The following KCNH7 variants were observed in gnomAD, a reference collection of about 807,000 sequenced individuals.
The protein encoded by KCNH7 is voltage-gated inwardly rectifying potassium channel KCNH7.
KCNH7 carries 49 observed loss-of-function variants against 120.8 expected under a neutral mutation model. The ratio of observed to expected loss-of-function variants is 0.41; its 90% confidence interval spans 0.32 to 0.51. The LOEUF is 0.51. Among genes scored for constraint, KCNH7 ranks in the 20% least tolerant of loss-of-function variants. The pLI is 0.38. For synonymous variants in KCNH7, 547 were observed against 516.1 expected (o/e 1.06, Z -0.81); for missense variants, 1,097 against 1,446.6 (o/e 0.76, Z 3.92).
intron 9 of KCNH7, among the ~76,000 whole-genome samples, chr2:162,409,174 A>G (rs1687315613): frequency 6.6e-6 from 1 of 151,914 alleles, no homozygotes; most frequent in Non-Finnish European, 1.5e-5. Flanking sequence ...AATAGAATAT[A>G]TAAATCTTTC....
intron 5 of KCNH7, among the ~76,000 whole-genome samples, chr2:162,511,788 C>T (rs1028702757): frequency 6.6e-6 from 1 of 151,734 alleles, no homozygotes; most frequent in African/African-American, 2.4e-5. Context: ...GTGGTCAAAA[C>T]AGTGAATTCT....
At chr2:162,572,378 A>G (rs1693514132) in intron 2 of KCNH7, among the ~76,000 whole-genome samples, 1 of 122,596 alleles carries the variant, frequency 8.2e-6, no homozygotes, top group South Asian at 3.0e-4. Flanking sequence ...AATGGCGATC[A>G]TTAAAAAGTC....
Position 162,435,609 on chromosome 2 carries a change from A to C in KCNH7, c.1555-12T>G. The C allele has an allele frequency of 6.4e-7, 1 of 1,565,470 alleles. No individual in the cohort carries two copies. The highest frequency in any genetic ancestry group is 8.6e-7 in the Non-Finnish European group (1 of 1,156,452). The stretch of plus-strand genomic sequence containing the variant: ...ATTAATGTTGTTGTCTGTAGAAATA[A>C]ATGTACACAGTCAGAAACGGTCGGC... On this transcript the variant is annotated splice_polypyrimidine_tract_variant and intron_variant, in intron 7 of 15. Transcript: ENST00000332142.
intron 9 of KCNH7, among the ~76,000 whole-genome samples, chr2:162,421,076 C>T (rs1384589849): frequency 1.3e-5 from 2 of 151,834 alleles, no homozygotes. Flanking sequence ...AGTTTGCTTA[C>T]TCACTTTGCA....
At chr2:162,682,857 C>T (rs1368015341) in intron 2 of KCNH7, among the ~76,000 whole-genome samples, 1 of 151,734 alleles carries the variant, frequency 6.6e-6, no homozygotes, top group Admixed American at 6.6e-5. Flanking sequence ...ACCATAATTT[C>T]CTAAATGTTG....
At chr2:162,571,861 G>T (rs957472019) in intron 2 of KCNH7, among the ~76,000 whole-genome samples, 3 of 151,570 alleles carry the variant, frequency 2.0e-5, no homozygotes, top group Admixed American at 6.6e-5. Flanking sequence ...AGCTGAAACT[G>T]GATCCCTTCC....
At chr2:162,393,822 G>A (rs1489254907) in intron 12 of KCNH7, among the ~76,000 whole-genome samples, 1 of 151,926 alleles carries the variant, frequency 6.6e-6, no homozygotes, top group East Asian at 1.9e-4. Flanking sequence ...CCCTCTCTAG[G>A]GAAGATGAGG....
intron 2 of KCNH7, among the ~76,000 whole-genome samples, chr2:162,746,614 C>T (rs977930048): frequency 1.1e-4 from 16 of 152,056 alleles, no homozygotes; most frequent in South Asian, 6.2e-4. Context: ...CATGAAATCA[C>T]TAAGGTTTTG....
intron 8 of KCNH7, among the ~76,000 whole-genome samples, chr2:162,434,306 T>A (rs1050223338): frequency 6.6e-6 from 1 of 152,078 alleles, no homozygotes; most frequent in Non-Finnish European, 1.5e-5. Flanking sequence ...GTGATGGGAA[T>A]CATTCATACC....
chr2:162,653,804 T>G (rs532017875), intron 2 of KCNH7, among the ~76,000 whole-genome samples: 1 of 152,136 alleles, frequency 6.6e-6, no homozygotes, highest in Non-Finnish European at 1.5e-5. Context: ...AACAGATACA[T>G]GGACCAATGG....
intron 3 of KCNH7, among the ~76,000 whole-genome samples, chr2:162,521,086 C>T (rs1311410654): frequency 6.6e-6 from 1 of 151,758 alleles, no homozygotes; most frequent in Non-Finnish European, 1.5e-5. Context: ...AACAGGTTAC[C>T]ACCCCTTTCA....
At chr2:162,373,767 C>G (rs1558912910) in intron 14 of KCNH7, 105 bp from the exon 15 acceptor site, 2 of 660,450 alleles carry the variant, frequency 3.0e-6, no homozygotes, top group Admixed American at 4.2e-5. Context: ...TATGGCCTTG[C>G]TTTAAACAAG....
intron 2 of KCNH7, among the ~76,000 whole-genome samples, chr2:162,783,493 T>C (rs1390820065): frequency 6.6e-6 from 1 of 152,186 alleles, no homozygotes; most frequent in East Asian, 1.9e-4. Flanking sequence ...TTGAGATGTT[T>C]TCAGGAAGGC....
intron 2 of KCNH7, among the ~76,000 whole-genome samples, chr2:162,781,908 A>T (rs1683507868): frequency 6.6e-6 from 1 of 152,220 alleles, no homozygotes; most frequent in South Asian, 2.1e-4. Context: ...GATAAATTCA[A>T]TGAATATTTC....
At chr2:162,561,181 A>C (rs972975810) in intron 2 of KCNH7, among the ~76,000 whole-genome samples, 8 of 151,950 alleles carry the variant, frequency 5.3e-5, no homozygotes, top group African/African-American at 1.9e-4. Context: ...GATCATAATT[A>C]TGTATCTAAT....
intron 2 of KCNH7, among the ~76,000 whole-genome samples, chr2:162,824,499 T>C (rs1685219101): frequency 6.6e-6 from 1 of 152,026 alleles, no homozygotes; most frequent in Non-Finnish European, 1.5e-5. Context: ...AAAGAACACC[T>C]GGAGGGAAGA....
intron 2 of KCNH7, among the ~76,000 whole-genome samples, chr2:162,609,041 G>GACACCGCCAGCCCCCCAACACACAC (rs1682872726): frequency 1.3e-5 from 2 of 152,030 alleles, no homozygotes; most frequent in Non-Finnish European, 2.9e-5. Flanking sequence ...ACAACACACA[G>GACACCGCCAGCCCCCCAACACACAC]ACACCGCCAG....
At chr2:162,522,256 T>C (rs1457399639) in intron 3 of KCNH7, among the ~76,000 whole-genome samples, 1 of 151,932 alleles carries the variant, frequency 6.6e-6, no homozygotes, top group African/African-American at 2.4e-5. Flanking sequence ...CTTATTACGA[T>C]GCATTGAAAG....
intron 2 of KCNH7, among the ~76,000 whole-genome samples, chr2:162,680,424 A>T (rs1685672383): frequency 6.6e-6 from 1 of 151,790 alleles, no homozygotes; most frequent in African/African-American, 2.4e-5. Context: ...TATACAACAC[A>T]GGAGAAACTC....
Sources: allele counts gnomAD v4.1 joint callset (sites outside exome capture counted in the v4.1 genomes callset), GRCh38; gene constraint gnomAD v4.1.1; transcripts MANE v1.5; gene names NCBI Gene and HGNC (gene_info 2026-07-23, HGNC 2026-07-21).